The following MLIP variants were observed in gnomAD, a reference collection of about 807,000 sequenced individuals.
MLIP encodes the protein muscular LMNA-interacting protein.
MLIP carries 79 observed loss-of-function variants against 84.8 expected under a neutral mutation model. The observed-to-expected ratio is 0.93, with a 90% confidence interval of 0.78 to 1.12. MLIP has a LOEUF of 1.12. MLIP is among the 50% of genes most tolerant of loss of function. MLIP has a pLI of 0.00. For synonymous variants in MLIP, 504 were observed against 463.0 expected (o/e 1.09, Z -1.14); for missense variants, 1,257 against 1,160.6 (o/e 1.08, Z -1.21).
chr6:54,256,145 AG>A (rs1201147775), intron 12 of MLIP, among the ~76,000 whole-genome samples: 1 of 152,164 alleles, frequency 6.6e-6, no homozygotes, highest in African/African-American at 2.4e-5. Context: ...TGATACCCAA[AG>A]GATTTTATAG....
At chr6:54,248,685 G>A (rs1336625658) in intron 12 of MLIP, among the ~76,000 whole-genome samples, 2 of 152,132 alleles carry the variant, frequency 1.3e-5, no homozygotes, top group Non-Finnish European at 2.9e-5. Flanking sequence ...TGGGATGGAA[G>A]AGGAAAGGCC....
At chr6:54,219,202 C>T (rs903557281) in intron 11 of MLIP, among the ~76,000 whole-genome samples, 1 of 149,710 alleles carries the variant, frequency 6.7e-6, no homozygotes, top group African/African-American at 2.5e-5. Flanking sequence ...GAGACTCCGT[C>T]TCAAAAAAAA....
intron 1 of MLIP, among the ~76,000 whole-genome samples, chr6:54,082,381 C>A (rs1393487437): frequency 6.6e-6 from 1 of 152,100 alleles, no homozygotes; most frequent in African/African-American, 2.4e-5. Flanking sequence ...TGTATAAAAC[C>A]ATCAGATCTT....
At chr6:54,094,884 A>G (rs1768105851) in intron 1 of MLIP, among the ~76,000 whole-genome samples, 1 of 152,184 alleles carries the variant, frequency 6.6e-6, no homozygotes, top group Non-Finnish European at 1.5e-5. Context: ...TGATCAGAGC[A>G]GTTTGTCACT....
chr6:54,230,875 G>A lies in MLIP; in HGVS notation c.2880G>A (p.Gln960=), dbSNP rs753292691. The change falls in exon 12 of 14, where the codon CAG becomes CAA. Residue 960 remains glutamine, a synonymous_variant. Coordinates refer to ENST00000502396, the MANE Select transcript of MLIP (RefSeq NM_001281747.2). ...SHLSFSLSDE[Q]ENSHTLLSHN... is the part of the protein sequence containing the mutation. Reference sequence around the variant, plus strand: ...TGTCCTTCTCCTTGAGTGATGAACAGGAGAATTCTCACACCCTCCTCAGTC... The same window carrying A: ...TGTCCTTCTCCTTGAGTGATGAACAAGAGAATTCTCACACCCTCCTCAGTC... 1.2e-6 allele frequency: 2 copies of A among 1,613,846 alleles called. No individual in the cohort carries two copies. Among genetic ancestry groups the A allele is most frequent in the Non-Finnish European group, 1.7e-6 (2 of 1,179,958 alleles).
intron 1 of MLIP, among the ~76,000 whole-genome samples, chr6:54,032,050 A>G (rs955708229): frequency 1.3e-5 from 2 of 152,154 alleles, no homozygotes; most frequent in Non-Finnish European, 2.9e-5. Context: ...TGACAGAATT[A>G]TGGAGACTAT....
At chr6:54,045,430 G>A (rs988186518) in intron 1 of MLIP, 2 of 152,094 alleles carry the variant, frequency 1.3e-5, no homozygotes, top group Non-Finnish European at 2.9e-5. Flanking sequence ...AATGAACATG[G>A]TAGTGGCAAA....
At chr6:54,245,725 C>T (rs6932196) in intron 12 of MLIP, among the ~76,000 whole-genome samples, 5,412 of 152,096 alleles carry the variant, frequency 0.036, 301 homozygotes, top group African/African-American at 0.12. Flanking sequence ...TATTCAATAG[C>T]TTTTTACCTA....
At chr6:54,160,079 G>T (rs1347911105) in intron 5 of MLIP, among the ~76,000 whole-genome samples, 1 of 152,026 alleles carries the variant, frequency 6.6e-6, no homozygotes, top group Non-Finnish European at 1.5e-5. Flanking sequence ...AATGGGGAAA[G>T]AGTTCCCTAT....
chr6:54,176,679 T>G (rs1016180417), intron 9 of MLIP, among the ~76,000 whole-genome samples: 5 of 152,046 alleles, frequency 3.3e-5, no homozygotes, highest in Non-Finnish European at 7.4e-5. Context: ...ATTGACATTC[T>G]TCACAGAATT....
At chr6:54,160,483 T>C (rs1774506532) in intron 6 of MLIP, 33 bp from the exon 7 acceptor site, 1 of 1,611,540 alleles carries the variant, frequency 6.2e-7, no homozygotes, top group Admixed American at 1.7e-5. Flanking sequence ...CAAAACTTAT[T>C]GCTAACCCAG....
At chr6:54,173,896 C>G (rs1776021104) in intron 9 of MLIP, among the ~76,000 whole-genome samples, 1 of 150,502 alleles carries the variant, frequency 6.6e-6, no homozygotes, top group African/African-American at 2.4e-5. Flanking sequence ...CCCCACCATT[C>G]CCAGCCTCTG....
intron 1 of MLIP, among the ~76,000 whole-genome samples, chr6:54,118,714 C>T (rs1245093583): frequency 6.6e-6 from 1 of 152,142 alleles, no homozygotes; most frequent in East Asian, 1.9e-4. Flanking sequence ...AAACAATCAA[C>T]AGAGTGAGGA....
chr6:54,052,464 A>G (rs2150318732), intron 1 of MLIP, among the ~76,000 whole-genome samples: 2 of 152,314 alleles, frequency 1.3e-5, no homozygotes, highest in South Asian at 4.1e-4. Context: ...AATAACACTG[A>G]TTTTAGAGAA....
chr6:54,081,191 C>G (rs1767122045), intron 1 of MLIP, among the ~76,000 whole-genome samples: 1 of 152,122 alleles, frequency 6.6e-6, no homozygotes, highest in African/African-American at 2.4e-5. Flanking sequence ...GGAACTTCCT[C>G]GCACCATCCT....
intron 1 of MLIP, among the ~76,000 whole-genome samples, chr6:54,116,828 A>T (rs938416398): frequency 1.1e-4 from 16 of 152,212 alleles, no homozygotes; most frequent in Admixed American, 8.5e-4. Flanking sequence ...TGATGAACAT[A>T]TATGCAAAAA....
chr6:54,126,058 G>T (rs1213719629), intron 3 of MLIP, among the ~76,000 whole-genome samples: 2 of 151,840 alleles, frequency 1.3e-5, no homozygotes, highest in Admixed American at 6.6e-5. Flanking sequence ...TCTTAGCTAG[G>T]TATTGGAACA....
intron 12 of MLIP, among the ~76,000 whole-genome samples, chr6:54,235,385 C>T (rs542493503): frequency 5.3e-5 from 8 of 152,092 alleles, no homozygotes; most frequent in African/African-American, 1.9e-4. Flanking sequence ...GTTAAATTAT[C>T]CCTCCTCTTT....
chr6:54,203,407 T>C (rs1296984646), intron 11 of MLIP, among the ~76,000 whole-genome samples: 3 of 151,928 alleles, frequency 2.0e-5, no homozygotes, highest in African/African-American at 7.2e-5. Context: ...ATATAAGGTG[T>C]TATGCTCTTT....
Sources: gnomAD v4.1 joint callset for allele counts (sites outside exome capture counted in the v4.1 genomes callset) on GRCh38, gnomAD v4.1.1 for gene constraint, MANE v1.5 for transcripts, NCBI Gene and HGNC (gene_info 2026-07-23, HGNC 2026-07-21) for gene names.